The following XKR9 variants were observed in gnomAD, a reference collection of about 807,000 sequenced individuals.
XKR9 encodes the protein XK-related protein 9.
In XKR9, 32 loss-of-function variants were observed where a neutral mutation model predicts 32.0. The ratio of observed to expected loss-of-function variants is 1.00; its 90% CI spans 0.76 to 1.34. XKR9 has a LOEUF of 1.34. XKR9 is among the 40% of genes most tolerant of loss of function. The pLI is 0.00. For synonymous variants in XKR9, 168 were observed against 143.4 expected, an observed-to-expected ratio of 1.17 and a Z score of -1.22; for missense variants, 546 against 429.7, an observed-to-expected ratio of 1.27 and a Z score of -2.39.
At chr8:70,770,678 C>G (rs936593433) in intron 2 of XKR9, among the ~76,000 whole-genome samples, 6 of 152,156 alleles carry the variant, frequency 3.9e-5, no homozygotes, top group African/African-American at 1.2e-4. Context: ...TGGGCTCTGC[C>G]CAGCCTGACC....
the XKR9 span, among the ~76,000 whole-genome samples, chr8:70,981,930 G>T: frequency 6.6e-6 from 1 of 152,338 alleles, no homozygotes; most frequent in Non-Finnish European, 1.5e-5. Flanking sequence ...TAGCCACCCA[G>T]TGGAGCTACT....
the XKR9 span, among the ~76,000 whole-genome samples, chr8:70,833,635 A>T: frequency 6.6e-6 from 1 of 152,124 alleles, no homozygotes; most frequent in African/African-American, 2.4e-5. Flanking sequence ...ATGTAGGGAA[A>T]TTTTTGCAAA....
the XKR9 span, among the ~76,000 whole-genome samples, chr8:70,826,766 A>G: frequency 2.6e-5 from 4 of 152,182 alleles, no homozygotes; most frequent in African/African-American, 9.6e-5. Flanking sequence ...ACGTTGATAT[A>G]GGTAACGATG....
At chr8:70,841,908 G>A in the XKR9 span, among the ~76,000 whole-genome samples, 113 of 152,254 alleles carry the variant, frequency 7.4e-4, no homozygotes, top group South Asian at 6.8e-3. Context: ...AGTATTTTGT[G>A]TGGAAATACT....
intron 2 of XKR9, among the ~76,000 whole-genome samples, chr8:70,747,002 A>G (rs1807067674): frequency 6.6e-6 from 1 of 152,160 alleles, no homozygotes; most frequent in Non-Finnish European, 1.5e-5. Context: ...CCCACTTATA[A>G]GTGAGAACAT....
the XKR9 span, among the ~76,000 whole-genome samples, chr8:70,808,482 C>T: frequency 6.6e-6 from 1 of 152,144 alleles, no homozygotes; most frequent in Non-Finnish European, 1.5e-5. Context: ...CGAGCATGAG[C>T]TGAAGCAGGG....
At chr8:70,812,150 G>T in the XKR9 span, among the ~76,000 whole-genome samples, 5 of 152,182 alleles carry the variant, frequency 3.3e-5, no homozygotes, top group Admixed American at 2.6e-4. Context: ...CGCAAATCAA[G>T]AAATGTAATC....
intron 1 of XKR9, chr8:70,670,578 T>C (rs1165328093): frequency 6.6e-6 from 1 of 151,954 alleles, no homozygotes; most frequent in East Asian, 1.9e-4. Flanking sequence ...TTTCCAGATA[T>C]TTCTGATGAA....
chr8:71,032,914 G>A, the XKR9 span, among the ~76,000 whole-genome samples: 5 of 151,966 alleles, frequency 3.3e-5, no homozygotes, highest in Admixed American at 1.3e-4. Context: ...GCGAAACCCC[G>A]TCTCTGCTAA....
At chr8:70,932,790 C>A in the XKR9 span, among the ~76,000 whole-genome samples, 4 of 152,112 alleles carry the variant, frequency 2.6e-5, no homozygotes, top group Non-Finnish European at 5.9e-5. Flanking sequence ...TTAGGGCCCA[C>A]CCTTACAATC....
At chr8:71,030,308 A>C in the XKR9 span, among the ~76,000 whole-genome samples, 1 of 152,216 alleles carries the variant, frequency 6.6e-6, no homozygotes, top group East Asian at 1.9e-4. Context: ...AGTCCTTTCC[A>C]GTTCACAGTG....
intron 2 of XKR9, among the ~76,000 whole-genome samples, chr8:70,772,897 G>C (rs1246026898): frequency 6.6e-6 from 1 of 152,130 alleles, no homozygotes; most frequent in Non-Finnish European, 1.5e-5. Context: ...GAGTTTTAAT[G>C]GCAAGGATAA....
the XKR9 span, among the ~76,000 whole-genome samples, chr8:70,884,738 C>T: frequency 2.0e-5 from 3 of 152,078 alleles, no homozygotes; most frequent in African/African-American, 4.8e-5. Context: ...TTGTTCCATT[C>T]GTGTCTCTAT....
the XKR9 span, among the ~76,000 whole-genome samples, chr8:70,851,381 C>T: frequency 3.3e-5 from 5 of 152,252 alleles, no homozygotes; most frequent in South Asian, 2.1e-4. Flanking sequence ...AGATTCAATG[C>T]TATTCCCATA....
chr8:70,764,559 A>G (rs1211966881), intron 2 of XKR9, among the ~76,000 whole-genome samples: 1 of 152,098 alleles, frequency 6.6e-6, no homozygotes, highest in Non-Finnish European at 1.5e-5. Context: ...CTGCCTCTTC[A>G]TTTGTTAAAG....
chr8:71,025,547 G>A, the XKR9 span, among the ~76,000 whole-genome samples: 2 of 152,110 alleles, frequency 1.3e-5, no homozygotes, highest in African/African-American at 4.8e-5. Context: ...ACATAAAATT[G>A]AGCTAGACAC....
the XKR9 span, among the ~76,000 whole-genome samples, chr8:70,855,574 C>G: frequency 2.2e-4 from 33 of 152,232 alleles, no homozygotes; most frequent in Admixed American, 5.2e-4. Flanking sequence ...TCCAGGAGAA[C>G]TTCCCCAATC....
intron 2 of XKR9, among the ~76,000 whole-genome samples, chr8:70,756,131 T>A (rs1807222095): frequency 6.6e-6 from 1 of 152,196 alleles, no homozygotes. Context: ...AGATATTCTT[T>A]ATTCATTGAC....
chr8:70,681,112 C>T lies in XKR9; in HGVS notation c.54C>T (p.Tyr18=), dbSNP rs750792640. ...FMMSVLGIII[Y]VTDLIVDIWV... ...TGTCAGTTCTTGGCATTATAATCTACGTAACTGATTTAATTGTGGACATAT... is the reference window on the plus strand; with the variant it reads ...TGTCAGTTCTTGGCATTATAATCTATGTAACTGATTTAATTGTGGACATAT... The change falls in exon 3 of 5, where the codon TAC becomes TAT. Residue 18 remains tyrosine, a synonymous_variant. Transcript: ENST00000408926. 3.5e-5 allele frequency: 57 copies of T among 1,613,054 alleles called. 1 individual carries two copies. The highest frequency in any genetic ancestry group is 2.0e-4 in the South Asian group (18 of 91,034).
Sources: allele counts gnomAD v4.1 joint callset (sites outside exome capture counted in the v4.1 genomes callset), GRCh38; gene constraint gnomAD v4.1.1; transcripts MANE v1.5; gene names NCBI Gene and HGNC (gene_info 2026-07-23, HGNC 2026-07-21).